ARAP3: variants seen among roughly 807,000 people sequenced by gnomAD.
ARAP3 encodes arf-GAP with Rho-GAP domain, ANK repeat and PH domain-containing protein 3.
ARAP3 carries 82 observed loss-of-function variants against 169.2 expected under a neutral mutation model. The ratio of observed to expected loss-of-function variants is 0.48; its 90% CI spans 0.41 to 0.58. The LOEUF (loss-of-function observed/expected upper bound fraction) is 0.58. Among genes scored for constraint, ARAP3 ranks in the 20% least tolerant of loss-of-function variants. The probability of loss-of-function intolerance (pLI) is 0.00; values close to 1 mark genes in which losing one functional copy is unlikely to be tolerated. For synonymous variants in ARAP3, 791 were observed against 800.3 expected, an observed-to-expected ratio of 0.99 and a Z score of 0.20; for missense variants, 1,764 against 2,018.0, an observed-to-expected ratio of 0.87 and a Z score of 2.41.
chr5:141,673,097 T>C lies in ARAP3; in HGVS notation c.1009A>G (p.Ile337Val), dbSNP rs200157148. ...TCCTTGCTGCTGCGGGTCATCTCAA[T>C]GGCAGTCAAAGGTATCACACCCTTA... ...FPKGVIPLTA[I>V]EMTRSSKDNK... Residue 337 changes from isoleucine (I) to valine (V), a missense_variant, in exon 7 of 33, where the codon ATT becomes GTT. Ile to Val is a conservative substitution (Grantham distance 29, BLOSUM62 3). Around this residue, in one of 3 missense-constraint regions of ARAP3, gnomAD observed 630 missense variants for 678.7 expected, o/e 0.93. Coordinates refer to ENST00000239440, the MANE Select transcript of ARAP3 (RefSeq NM_022481.6). 1.7e-4 allele frequency: 272 copies of C among 1,614,042 alleles called. 2 individuals carry two copies. Among genetic ancestry groups the C allele is most frequent in the Non-Finnish European group, 1.9e-5 (23 of 1,180,030 alleles).
Position 141,670,056 on chromosome 5 carries a change from C to CG in ARAP3, c.2114dup (p.Arg706AlafsTer20). ...CTGCTCCCAGCACACACCAAAGGCG[C>CG]GGGGGAGCTAAGGCAGAGGGAGATA... On this transcript the variant is annotated frameshift_variant, in exon 15 of 33. Transcript: ENST00000239440. LOFTEE classifies it high-confidence loss of function. 1.3e-6 allele frequency: 2 copies of CG among 1,591,550 alleles called. No homozygotes were observed. The highest frequency in any genetic ancestry group is 1.7e-6 in the Non-Finnish European group (2 of 1,174,460).
In ARAP3 at chr5:141,655,696, C is replaced by G; in HGVS notation, c.4035G>C (p.Lys1345Asn). 1.2e-6 allele frequency: 2 copies of G among 1,614,220 alleles called. No individual in the cohort carries two copies. The highest frequency in any genetic ancestry group is 8.5e-7 in the Non-Finnish European group (1 of 1,180,048). Residue 1345 changes from lysine to asparagine, a missense_variant, in exon 31 of 33, where the codon AAG becomes AAC. Around this residue, in one of 3 missense-constraint regions of ARAP3, gnomAD observed 1,112 missense variants for 1,285.7 expected, o/e 0.86. Coordinates refer to ENST00000239440, the MANE Select transcript of ARAP3 (RefSeq NM_022481.6). ...RHSSSDLARQ[K>N]FGTMPLLPIR... Reference sequence around the variant, plus strand: ...TAGGCAGCAAAGGCATAGTGCCAAACTTCTGACGGGCAAGGTCAGAGGAGG... The same window carrying G: ...TAGGCAGCAAAGGCATAGTGCCAAAGTTCTGACGGGCAAGGTCAGAGGAGG...
rs1442789237 is a variant in ARAP3, at chr5:141,665,029, A to G, written c.2693T>C (p.Ile898Thr). The G allele has an allele frequency of 1.9e-6, 3 of 1,613,332 alleles. No homozygotes were observed. Among genetic ancestry groups the G allele is most frequent in the Non-Finnish European group, 2.5e-6 (3 of 1,179,782 alleles). Reference sequence around the variant, plus strand: ...GCCGCCCCCACCAGCCGCGCCCCCAATGGCTGCGTTCCATGCCGTGAAGTC... The same window carrying G: ...GCCGCCCCCACCAGCCGCGCCCCCAGTGGCTGCGTTCCATGCCGTGAAGTC... ...RLDFTAWNAA[I>T]GGAAGGGGTG... The change falls in exon 19 of 33, where the codon ATT becomes ACT. Residue 898 changes from isoleucine (I) to threonine (T), a missense_variant. Physicochemically the swap from Ile to Thr is moderately conservative, Grantham distance 89. This residue lies in a region of ARAP3 where 1,112 missense variants were observed against 1,285.7 expected (regional missense o/e 0.86). Coordinates refer to ENST00000239440, the MANE Select transcript of ARAP3 (RefSeq NM_022481.6).
intron 31 of ARAP3, 87 bp from the exon 32 acceptor site, chr5:141,655,487 G>T: frequency 1.3e-6 from 2 of 1,578,502 alleles, no homozygotes; most frequent in Non-Finnish European, 1.7e-6. Context: ...GTGGGGAATG[G>T]GGGTGAAGAA....
At chr5:141,655,083 T>A (rs2099909040) in intron 32 of ARAP3, among the ~76,000 whole-genome samples, 1 of 151,736 alleles carries the variant, frequency 6.6e-6, no homozygotes, top group Admixed American at 6.6e-5. Context: ...TTTTCCTCAT[T>A]CTTTCTGGCC....
At chr5:141,682,116 G>A (rs1018362506) in intron 1 of ARAP3, 57 bp downstream of exon 1, 2 of 152,368 alleles carry the variant, frequency 1.3e-5, no homozygotes, top group Admixed American at 6.5e-5. Flanking sequence ...AGGCCCTCGA[G>A]AAGGTGATGG....
chr5:141,655,349 G>A lies in ARAP3; in HGVS notation c.4149+13C>T, dbSNP rs1336930885. On this transcript the variant is annotated intron_variant, in intron 32 of 32. Transcript: ENST00000239440. ...GTTGACAGGCACACCGCTGGAGCAG[G>A]CACAATACTCACAAAGAACATGGAC... is the stretch of plus-strand genomic sequence containing the variant. The A allele has an allele frequency of 1.3e-6, 2 of 1,573,930 alleles. No homozygotes were observed. Among genetic ancestry groups the A allele is most frequent in the Non-Finnish European group, 1.7e-6 (2 of 1,159,288 alleles).
At chr5:141,673,235 C>A in intron 6 of ARAP3, 102 bp from the exon 7 acceptor site, 1 of 1,586,306 alleles carries the variant, frequency 6.3e-7, no homozygotes, top group Non-Finnish European at 8.6e-7. Context: ...ATTAAATCCA[C>A]AAGCAGTGGG....
At position 141,666,528 on chromosome 5, in the gene ARAP3, C is replaced by T. The variant is rs1396184473; in HGVS notation, c.2468G>A (p.Gly823Glu). Residue 823 changes from glycine (G) to glutamate (E), a missense_variant, in exon 17 of 33, where the codon GGG becomes GAG. By Grantham distance (98) the Gly-to-Glu change is moderately conservative (BLOSUM62 -2). Coordinates refer to ENST00000239440, the MANE Select transcript of ARAP3 (RefSeq NM_022481.6). ...GTGGTCACCACGAAGGAGGCCAAAC[C>T]CTGACAGCCAGAGACCAGGGGCCGG... ...TAPAPGLWLS[G>E]FGLLRGDHLF... The T allele has an allele frequency of 6.2e-7, 1 of 1,602,222 alleles. No individual in the cohort carries two copies. The highest frequency in any genetic ancestry group is 8.5e-7 in the Non-Finnish European group (1 of 1,174,704).
In ARAP3 at chr5:141,658,432, C is replaced by T. The variant is rs1394077093; in HGVS notation, c.3459G>A (p.Glu1153=). ...CCATCCCAGCTGCTGTCCCCCGCAT[C>T]TCCAGTACCTGGTTAGTCAGCTCCT... ...TAEELTNQVL[E]MRGTAAGMDL... Residue 1153 remains glutamate (E), a synonymous_variant, in exon 25 of 33, where the codon GAG becomes GAA. Coordinates refer to ENST00000239440, the MANE Select transcript of ARAP3 (RefSeq NM_022481.6). The T allele has an allele frequency of 6.2e-7, 1 of 1,614,198 alleles. No individual in the cohort carries two copies. Among genetic ancestry groups the T allele is most frequent in the Non-Finnish European group, 8.5e-7 (1 of 1,180,050 alleles).
In ARAP3 at chr5:141,656,737, T is replaced by A. The variant is rs144504101; in HGVS notation, c.3636A>T (p.Gln1212His). Residue 1212 changes from glutamine (Q) to histidine (H), a missense_variant, in exon 26 of 33, where the codon CAA becomes CAT. Physicochemically the swap from Gln to His is conservative, Grantham distance 24. Transcript: ENST00000239440. ...SLLLKKVPLA[Q>H]AGCLFTGIRR... Reference sequence around the variant, plus strand: ...GCTCACCTGTGAAGAGGCAGCCAGCTTGGGCCAGGGGGACTTTTTTCAAGA... The same window carrying A: ...GCTCACCTGTGAAGAGGCAGCCAGCATGGGCCAGGGGGACTTTTTTCAAGA... 167 of 1,611,832 alleles carry A rather than the reference T, an allele frequency of 1.0e-4. No homozygotes were observed. Among genetic ancestry groups the A allele is most frequent in the Non-Finnish European group, 1.3e-4 (157 of 1,179,098 alleles).
At chr5:141,655,255 CA>C (rs1562401113) in intron 32 of ARAP3, 106 bp downstream of exon 32, 29 of 1,206,406 alleles carry the variant, frequency 2.4e-5, no homozygotes, top group South Asian at 1.8e-4. Context: ...CACACACACA[CA>C]CACCCCCTGA....
chr5:141,665,091 A>C lies in ARAP3; in HGVS notation c.2637-6T>G, dbSNP rs750891210. 6 of 1,606,990 alleles carry C rather than the reference A, an allele frequency of 3.7e-6. No homozygotes were observed. The African/African-American group carries it at 8.0e-5, about 21-fold the overall frequency. ...CTCCTTGCAGATACAGGGTCCTGAG[A>C]CCCCAGAGGCCTGAATCAGAGCCAG... On this transcript the variant is annotated splice_region_variant and splice_polypyrimidine_tract_variant and intron_variant, in intron 18 of 32. Coordinates refer to ENST00000239440, the MANE Select transcript of ARAP3 (RefSeq NM_022481.6).
Position 141,661,798 on chromosome 5 carries a change from G to A in ARAP3, c.3014-9C>T, listed in dbSNP as rs766144961. The A allele has an allele frequency of 2.5e-6, 4 of 1,613,840 alleles. No individual in the cohort carries two copies. The African/African-American group carries it at 5.3e-5, about 22-fold the overall frequency. ...ATTCTTCTGGGGCAGCTCTGGGGAT[G>A]GAATGGAGGAGGGTTGGGGAGGACC... On this transcript the variant is annotated splice_polypyrimidine_tract_variant and intron_variant, in intron 20 of 32. Coordinates refer to ENST00000239440, the MANE Select transcript of ARAP3 (RefSeq NM_022481.6).
chr5:141,664,612 C>T (rs62380786), intron 19 of ARAP3, among the ~76,000 whole-genome samples: 7,014 of 152,208 alleles, frequency 0.046, 219 homozygotes, highest in Non-Finnish European at 0.072. Context: ...CACACTCTGA[C>T]GAAACTTCTG....
rs769981926 is a variant in ARAP3 at position 141,680,184 on chromosome 5, C to G, written c.303G>C (p.Val101=). Residue 101 remains valine, a synonymous_variant, in exon 2 of 33, where the codon GTG becomes GTC. Coordinates refer to ENST00000239440, the MANE Select transcript of ARAP3 (RefSeq NM_022481.6). Reference sequence around the variant, plus strand: ...TGGCAGGGCCACTGAGTCCACCAAACACGGTCCTGGGCTTCGGCACGGGCT... The same window carrying G: ...TGGCAGGGCCACTGAGTCCACCAAAGACGGTCCTGGGCTTCGGCACGGGCT... ...PPKPVPKPRT[V]FGGLSGPATT... 1 of 1,609,430 alleles carries G rather than the reference C, an allele frequency of 6.2e-7. No homozygotes were observed. Among genetic ancestry groups the G allele is most frequent in the Admixed American group, 1.7e-5 (1 of 59,810 alleles).
chr5:141,665,063 C>T lies in ARAP3; in HGVS notation c.2659G>A (p.Gly887Ser), dbSNP rs1024038896. 4.3e-6 allele frequency: 7 copies of T among 1,613,230 alleles called. No individual in the cohort carries two copies. The highest frequency in any genetic ancestry group is 1.7e-5 in the Admixed American group (1 of 59,946). ...TGRTLYLQGE[G>S]RLDFTAWNAA... The stretch of plus-strand genomic sequence containing the variant: ...TTCCATGCCGTGAAGTCCAGCCGGC[C>T]CTCTCCTTGCAGATACAGGGTCCTG... The change falls in exon 19 of 33, where the codon GGC becomes AGC. Residue 887 changes from glycine to serine, a missense_variant. By Grantham distance (56) the Gly-to-Ser change is moderately conservative. Around this residue, in one of 3 missense-constraint regions of ARAP3, gnomAD observed 1,112 missense variants for 1,285.7 expected, o/e 0.86. Transcript: ENST00000239440.
rs374342719 is a variant in ARAP3 at position 141,670,080 on chromosome 5, T to C, written c.2108-17A>G. ...GCGGGGGAGCTAAGGCAGAGGGAGA[T>C]AGTCAGGGAGCAGCAGACCTCTGCC... On this transcript the variant is annotated splice_polypyrimidine_tract_variant and intron_variant, in intron 14 of 32. Coordinates refer to ENST00000239440, the MANE Select transcript of ARAP3 (RefSeq NM_022481.6). The C allele has an allele frequency of 1.5e-4, 242 of 1,582,686 alleles. No individual in the cohort carries two copies. Among genetic ancestry groups the C allele is most frequent in the Non-Finnish European group, 2.0e-4 (232 of 1,172,306 alleles).
At chr5:141,666,243 G>A (rs771715853) in intron 17 of ARAP3, among the ~76,000 whole-genome samples, 181 bp downstream of exon 17, 2 of 151,994 alleles carry the variant, frequency 1.3e-5, no homozygotes, top group Non-Finnish European at 2.9e-5. Flanking sequence ...ACTTGTCCAG[G>A]GATATACAGC....
Sources: gnomAD v4.1 joint callset for allele counts (sites outside exome capture counted in the v4.1 genomes callset) on GRCh38, gnomAD v4.1.1 for gene constraint, gnomAD v4.1.1 regional missense constraint, MANE v1.5 for transcripts, NCBI Gene and HGNC (gene_info 2026-07-23, HGNC 2026-07-21) for gene names.